The following SLC7A7 variants were observed in gnomAD, a reference collection of about 807,000 sequenced individuals.
The protein encoded by SLC7A7 is solute carrier family 7 member 7, also known as Y+L amino acid transporter 1.
Under a neutral mutation model 47.9 loss-of-function variants are expected in SLC7A7, and 39 were observed. The ratio of observed to expected loss-of-function variants is 0.81; its 90% CI spans 0.63 to 1.06. SLC7A7 has a LOEUF of 1.06. Among genes scored for constraint, SLC7A7 ranks in the 50% least tolerant of loss-of-function variants. The pLI is 0.00. For missense variants in SLC7A7, 588 were observed against 632.0 expected, an observed-to-expected ratio of 0.93 and a Z score of 0.75; for synonymous variants, 234 against 242.8, an observed-to-expected ratio of 0.96 and a Z score of 0.34.
chr14:22,782,614 A>C (rs1319051393), intron 2 of SLC7A7, among the ~76,000 whole-genome samples: 2 of 151,760 alleles, frequency 1.3e-5, no homozygotes, highest in Non-Finnish European at 2.9e-5. Context: ...GGTGTGTGCC[A>C]CCATGCCTGG....
chr14:22,815,492 C>T (rs113100924), upstream of SLC7A7: 7 of 454,404 alleles, frequency 1.5e-5, no homozygotes, highest in African/African-American at 8.0e-5. Flanking sequence ...GTGAGGCAGC[C>T]CGCAAAGGAA....
intron 9 of SLC7A7, 94 bp from the exon 10 acceptor site, chr14:22,773,810 C>T: frequency 6.5e-7 from 1 of 1,537,524 alleles, no homozygotes; most frequent in East Asian, 2.2e-5. Flanking sequence ...GGAGTGATTC[C>T]ACTAAGCCGA....
chr14:22,810,964 G>A (rs987519078), intron 2 of SLC7A7, among the ~76,000 whole-genome samples: 2 of 152,026 alleles, frequency 1.3e-5, no homozygotes, highest in Admixed American at 1.3e-4. Flanking sequence ...GGCAACAAGA[G>A]TGAAACTCCG....
chr14:22,819,165 G>A (rs182943981), upstream of SLC7A7, among the ~76,000 whole-genome samples: 7 of 152,166 alleles, frequency 4.6e-5, no homozygotes, highest in Admixed American at 4.6e-4. Flanking sequence ...CATAATTCGG[G>A]GTCTTGGCTC....
At chr14:22,803,667 T>TC (rs1286003376) in intron 2 of SLC7A7, among the ~76,000 whole-genome samples, 1 of 151,952 alleles carries the variant, frequency 6.6e-6, no homozygotes, top group African/African-American at 2.4e-5. Flanking sequence ...GGGCAAGAAG[T>TC]CCAAGGTGAA....
intron 2 of SLC7A7, among the ~76,000 whole-genome samples, chr14:22,808,019 G>A (rs766930999): frequency 2.2e-4 from 33 of 152,008 alleles, no homozygotes; most frequent in African/African-American, 5.1e-4. Context: ...AAAATTAGCC[G>A]GGTGTGGTGG....
At chr14:22,816,178 A>C, upstream of SLC7A7, 1 of 157,862 alleles carries the variant, frequency 6.3e-6, no homozygotes, top group Non-Finnish European at 1.4e-5. Flanking sequence ...ATATAAGTTG[A>C]CTCCACTTTC....
upstream of SLC7A7, chr14:22,816,380 C>T (rs1361280185): frequency 6.6e-6 from 1 of 152,144 alleles, no homozygotes; most frequent in African/African-American, 2.4e-5. Context: ...CACCTGTAGT[C>T]CCAGCTATTC....
At chr14:22,786,028 A>G (rs1382282856) in intron 2 of SLC7A7, among the ~76,000 whole-genome samples, 11 of 150,842 alleles carry the variant, frequency 7.3e-5, no homozygotes, top group Admixed American at 7.3e-4. Flanking sequence ...TCTCAAAAAA[A>G]AAAAAAAAAA....
intron 2 of SLC7A7, among the ~76,000 whole-genome samples, chr14:22,783,176 C>G (rs188284417): frequency 1.4e-4 from 22 of 152,076 alleles, no homozygotes; most frequent in African/African-American, 5.1e-4. Flanking sequence ...TTGTGATCTG[C>G]CCTCCTCAGC....
intron 2 of SLC7A7, among the ~76,000 whole-genome samples, chr14:22,809,491 C>A (rs1239082082): frequency 1.3e-5 from 2 of 152,218 alleles, no homozygotes; most frequent in East Asian, 1.9e-4. Flanking sequence ...TAGGCACGCA[C>A]CACCACACCC....
At chr14:22,789,627 C>CAAAAAAA (rs71115580) in intron 2 of SLC7A7, among the ~76,000 whole-genome samples, 2 of 112,576 alleles carry the variant, frequency 1.8e-5, no homozygotes, top group Non-Finnish European at 1.8e-5. Context: ...GACTCTGGCT[C>CAAAAAAA]AAAAAAAAAA....
chr14:22,781,486 C>T (rs2038718685), intron 2 of SLC7A7, among the ~76,000 whole-genome samples: 1 of 152,182 alleles, frequency 6.6e-6, no homozygotes, highest in Non-Finnish European at 1.5e-5. Context: ...AAATGCTTGC[C>T]TTTCTGCCTA....
intron 3 of SLC7A7, 110 bp from the exon 4 acceptor site, chr14:22,779,047 C>T (rs2038668761): frequency 8.1e-6 from 11 of 1,352,516 alleles, no homozygotes; most frequent in Admixed American, 3.9e-5. Context: ...AGGTAAGTGG[C>T]CTACAACACC....
intron 9 of SLC7A7, 55 bp from the exon 10 acceptor site, chr14:22,773,771 A>C: frequency 6.3e-7 from 1 of 1,576,946 alleles, no homozygotes; most frequent in Non-Finnish European, 8.7e-7. Context: ...GCTGAGTTCA[A>C]GTGTCACTGA....
At chr14:22,816,926 G>A (rs147886254), upstream of SLC7A7, among the ~76,000 whole-genome samples, 2 of 152,044 alleles carry the variant, frequency 1.3e-5, no homozygotes, top group African/African-American at 4.8e-5. Flanking sequence ...CCTTCTGGAG[G>A]AGACTCTCCT....
chr14:22,794,658 GT>G (rs2038980614), intron 2 of SLC7A7, among the ~76,000 whole-genome samples: 1 of 152,144 alleles, frequency 6.6e-6, no homozygotes, highest in African/African-American at 2.4e-5. Context: ...CTCTGGGTGT[GT>G]TTCCTTAGGT....
intron 4 of SLC7A7, among the ~76,000 whole-genome samples, chr14:22,778,239 T>G (rs919414170): frequency 2.0e-5 from 3 of 152,204 alleles, no homozygotes; most frequent in Admixed American, 2.0e-4. Context: ...CCCTCAAGGT[T>G]AGCCAACAAG....
chr14:22,793,756 C>T (rs2038965956), intron 2 of SLC7A7, among the ~76,000 whole-genome samples: 1 of 151,732 alleles, frequency 6.6e-6, no homozygotes, highest in Admixed American at 6.6e-5. Context: ...GTGGAGGTGG[C>T]AGTGAGCCAA....
Sources: gnomAD v4.1 joint callset for allele counts (sites outside exome capture counted in the v4.1 genomes callset) on GRCh38, gnomAD v4.1.1 for gene constraint, MANE v1.5 for transcripts, NCBI Gene and HGNC (gene_info 2026-07-23, HGNC 2026-07-21) for gene names.